CDH24: variants seen among roughly 807,000 people sequenced by gnomAD.
CDH24 encodes cadherin 24, also known as cadherin-24.
CDH24 carries 61 observed loss-of-function variants against 71.2 expected under a neutral mutation model. The observed-to-expected ratio is 0.86, with a 90% CI of 0.70 to 1.06. CDH24 has a LOEUF of 1.06. CDH24 is among the 50% of genes least tolerant of loss of function. CDH24 has a pLI of 0.00. For missense variants in CDH24, 961 were observed against 1,083.7 expected, an observed-to-expected ratio of 0.89 and a Z score of 1.59; for synonymous variants, 440 against 470.2, an observed-to-expected ratio of 0.94 and a Z score of 0.83.
chr14:23,053,596 G>A lies in CDH24; in HGVS notation c.1126C>T (p.Gln376Ter). ...GGCACTGTCAGGTGGTAGGCAGCCT[G>A]GGTGAAGGCAGGTGGCTCTGGGGCA... is the stretch of plus-strand genomic sequence containing the variant. ...QDAPEPPAFT[Q>*]AAYHLTVPEN... The change falls in exon 7 of 13, where the codon CAG (glutamine) becomes TAG (stop). Residue 376 changes from glutamine (Q) to a stop codon, truncating the protein, a stop_gained. Coordinates refer to ENST00000487137, the MANE Select transcript of CDH24 (RefSeq NM_144985.4). LOFTEE classifies it high-confidence loss of function. 6.2e-7 allele frequency: 1 copy of A among 1,613,466 alleles called. No homozygotes were observed. The highest frequency in any genetic ancestry group is 8.5e-7 in the Non-Finnish European group (1 of 1,179,596).
At chr14:23,050,194 C>A in intron 8 of CDH24, 1 of 437,170 alleles carries the variant, frequency 2.3e-6, no homozygotes, top group Non-Finnish European at 4.1e-6. Context: ...AATGCCGCAC[C>A]CATGATACAC....
chr14:23,056,115 G>T (rs1056842105), intron 1 of CDH24, among the ~76,000 whole-genome samples: 1 of 152,216 alleles, frequency 6.6e-6, no homozygotes, highest in Non-Finnish European at 1.5e-5. Context: ...GGGGATGCTG[G>T]GAGGGCTTGG....
chr14:23,047,700 G>A lies in CDH24; in HGVS notation c.*280C>T, dbSNP rs564289197. On this transcript the variant is annotated 3_prime_UTR_variant, in exon 12 of 13. Coordinates refer to ENST00000487137, the MANE Select transcript of CDH24 (RefSeq NM_144985.4). ...CCACGGAGGAAGGAGAGGAATCACAGTGAGAGATCGCAGGGCCAGGGCCAG... is the reference window on the plus strand; with the variant it reads ...CCACGGAGGAAGGAGAGGAATCACAATGAGAGATCGCAGGGCCAGGGCCAG... The A allele has an allele frequency of 3.3e-6, 1 of 304,224 alleles. No homozygotes were observed. Among genetic ancestry groups the A allele is most frequent in the Non-Finnish European group, 6.0e-6 (1 of 165,576 alleles). The allele number at this position is 304,224 out of a possible 1,614,324, so 18.8% of individuals were successfully genotyped here.
Position 23,054,005 on chromosome 14 carries a change from G to A in CDH24, c.972+136C>T, listed in dbSNP as rs2047104666. On this transcript the variant is annotated intron_variant, in intron 6 of 12. Coordinates refer to ENST00000487137, the MANE Select transcript of CDH24 (RefSeq NM_144985.4). The surrounding 1 kb of genome is among the most constrained non-coding windows in gnomAD (Gnocchi z 5.2). ...TCTAAGCTCCAGGGCCTCATCTGAAGGATGAGGAGGTGACCATGATCTCTA... is the reference window on the plus strand; with the variant it reads ...TCTAAGCTCCAGGGCCTCATCTGAAAGATGAGGAGGTGACCATGATCTCTA... 5 of 977,526 alleles carry A rather than the reference G, an allele frequency of 5.1e-6. No individual in the cohort carries two copies. The Admixed American group carries it at 1.0e-4, about 20-fold the overall frequency. The allele number at this position is 977,526 out of a possible 1,614,324, so 60.6% of individuals were successfully genotyped here. A position where few individuals can be genotyped will look rare whatever the true frequency, so the allele number is the denominator to read the frequency against.
rs1161681313 is a variant in CDH24, at chr14:23,049,690, T to C, written c.1534A>G (p.Ser512Gly). 6.2e-7 allele frequency: 1 copy of C among 1,612,006 alleles called. No individual in the cohort carries two copies. Among genetic ancestry groups the C allele is most frequent in the South Asian group, 1.1e-5 (1 of 90,818 alleles). ...AGAGGACCTTGAAAGGAGACATGGC[T>C]ACTGTTGCCAACTTCATCTCTGTCC... is the stretch of plus-strand genomic sequence containing the variant. ...ALDRDEVGNS[S>G]HVSFQGPLGP... Residue 512 changes from serine (S) to glycine (G), a missense_variant, in exon 10 of 13, where the codon AGC (serine) becomes GGC (glycine). By Grantham distance (56) the Ser-to-Gly change is moderately conservative. This residue lies in a region of CDH24 where 671 missense variants were observed against 810.9 expected (regional missense o/e 0.83). Transcript: ENST00000487137.
chr14:23,056,068 C>T (rs1371240720), intron 1 of CDH24, among the ~76,000 whole-genome samples: 2 of 152,172 alleles, frequency 1.3e-5, no homozygotes, highest in African/African-American at 2.4e-5. Context: ...TCTGGTCAGT[C>T]AACTCTGAGT....
Position 23,048,126 on chromosome 14 carries a change from C to G in CDH24, c.2200G>C (p.Gly734Arg). ...SVQVYGYEGRGSSCGSLSSLG... is the reference protein window; with the variant it reads ...SVQVYGYEGRRSSCGSLSSLG... ...GAGCTGAGGGAGCCGCAAGAGGAGC[C>G]GCGGCCCTCGTAGCCGTACACCTGC... is the stretch of plus-strand genomic sequence containing the variant. Residue 734 changes from glycine to arginine, a missense_variant, in exon 12 of 13, where the codon GGC (glycine) becomes CGC (arginine). By Grantham distance (125) the Gly-to-Arg change is moderately radical. Coordinates refer to ENST00000487137, the MANE Select transcript of CDH24 (RefSeq NM_144985.4). The G allele has an allele frequency of 7.1e-7, 1 of 1,399,632 alleles. No individual in the cohort carries two copies. The highest frequency in any genetic ancestry group is 9.3e-7 in the Non-Finnish European group (1 of 1,080,878). 86.7% of individuals were successfully genotyped at this position (1,399,632 alleles called of 1,614,324 possible).
rs767931473 is a variant in CDH24, at chr14:23,049,982, A to G, written c.1364-39T>C. 3.8e-6 allele frequency: 6 copies of G among 1,599,772 alleles called. No homozygotes were observed. The African/African-American group carries it at 6.7e-5, about 18-fold the overall frequency. On this transcript the variant is annotated intron_variant, in intron 8 of 12. Coordinates refer to ENST00000487137, the MANE Select transcript of CDH24 (RefSeq NM_144985.4). ...ACCAAAACATACACGCCACACACAC[A>G]CCACACAGTTTACACGTAACATATG...
Position 23,054,562 on chromosome 14 carries a change from GTGCTGCC to G in CDH24, c.721_727del (p.Gly241LeufsTer3). On this transcript the variant is annotated frameshift_variant, in exon 5 of 13. Transcript: ENST00000487137. LOFTEE classifies it high-confidence loss of function. The surrounding 1 kb of genome is among the most constrained non-coding windows in gnomAD (Gnocchi z 5.2). ...ATCGCTGAGCGTGACAGTCACCGTA[GTGCTGCC>G]TGACAGCCCCCCCATGTGGCCGCCC... is the stretch of plus-strand genomic sequence containing the variant. The G allele has an allele frequency of 6.2e-7, 1 of 1,613,962 alleles. No homozygotes were observed. The highest frequency in any genetic ancestry group is 1.3e-5 in the African/African-American group (1 of 74,892).
In CDH24 at chr14:23,049,642, C is replaced by T. The variant is rs778667953; in HGVS notation, c.1582G>A (p.Val528Ile). The T allele has an allele frequency of 3.2e-6, 5 of 1,575,048 alleles. No individual in the cohort carries two copies. The Admixed American group carries it at 8.8e-5, about 28-fold the overall frequency. The part of the protein sequence containing the change: ...GPLGPDANFT[V>I]QDNRDGSASL... ...GGCCACCTACCTCGGTTGTCCTGGA[C>T]AGTAAAGTTGGCATCAGGGCCCAGA... Residue 528 changes from valine to isoleucine, a missense_variant, in exon 10 of 13, where the codon GTC (valine) becomes ATC (isoleucine). Physicochemically the swap from Val to Ile is conservative, Grantham distance 29. This residue lies in a region of CDH24 where 671 missense variants were observed against 810.9 expected (regional missense o/e 0.83). Coordinates refer to ENST00000487137, the MANE Select transcript of CDH24 (RefSeq NM_144985.4).
chr14:23,054,149 C>T lies in CDH24; in HGVS notation c.964G>A (p.Val322Ile). 6.3e-7 allele frequency: 1 copy of T among 1,595,544 alleles called. No homozygotes were observed. The highest frequency in any genetic ancestry group is 8.6e-7 in the Non-Finnish European group (1 of 1,169,334). ...ACAGGCAGGAGGCTAACCTTGCGGA[C>T]AGTGAGGAGCCCGTCTCGACCCTGC... ...DLQGRDGLLT[V>I]RKPLDFESQR... Residue 322 changes from valine (V) to isoleucine (I), a missense_variant, in exon 6 of 13, where the codon GTC becomes ATC. Coordinates refer to ENST00000487137, the MANE Select transcript of CDH24 (RefSeq NM_144985.4). The surrounding 1 kb of genome is among the most constrained non-coding windows in gnomAD (Gnocchi z 5.2).
Position 23,049,250 on chromosome 14 carries a change from G to A in CDH24, c.1623C>T (p.Pro541=), listed in dbSNP as rs1368835242. The A allele has an allele frequency of 6.3e-7, 1 of 1,578,056 alleles. No homozygotes were observed. The highest frequency in any genetic ancestry group is 8.6e-7 in the Non-Finnish European group (1 of 1,161,442). Residue 541 remains proline, a synonymous_variant, in exon 11 of 13, where the codon CCC becomes CCT. Coordinates refer to ENST00000487137, the MANE Select transcript of CDH24 (RefSeq NM_144985.4). The stretch of plus-strand genomic sequence containing the variant: ...CATGGCGGGGTGGAGCAGGGCGGGA[G>A]GGCAGCAGCAGGCTGGCGGAGCCAT... ...NRDGSASLLL[P]SRPAPPRHAP...
In CDH24 at chr14:23,052,480, T is replaced by C; in HGVS notation, c.1356A>G (p.Thr452=). 1 of 1,613,784 alleles carries C rather than the reference T, an allele frequency of 6.2e-7. No homozygotes were observed. The highest frequency in any genetic ancestry group is 1.1e-5 in the South Asian group (1 of 91,086). Residue 452 remains threonine (T), a synonymous_variant, in exon 8 of 13, where the codon ACA becomes ACG. Coordinates refer to ENST00000487137, the MANE Select transcript of CDH24 (RefSeq NM_144985.4). ...RAWHNLTVLA[T]ELDSSAQASR... is the part of the protein sequence containing the mutation. ...GGGCCCTGGAGTCCTCACCGAGCTC[T>C]GTAGCCAGCACAGTGAGGTTGTGCC...
chr14:23,048,079 G>A lies in CDH24; in HGVS notation c.2247C>T (p.Ala749=). 1 of 1,421,156 alleles carries A rather than the reference G, an allele frequency of 7.0e-7. No individual in the cohort carries two copies. Among genetic ancestry groups the A allele is most frequent in the Non-Finnish European group, 9.1e-7 (1 of 1,093,160 alleles). 88.0% of individuals were successfully genotyped at this position (1,421,156 alleles called of 1,614,324 possible). A position where few individuals can be genotyped will look rare whatever the true frequency, so the allele number is the denominator to read the frequency against. Residue 749 remains alanine, a synonymous_variant, in exon 12 of 13, where the codon GCC becomes GCT. Coordinates refer to ENST00000487137, the MANE Select transcript of CDH24 (RefSeq NM_144985.4). ...SLSSLGSGSE[A]GGAPGPAEPL... ...GCTCCGCGGGGCCGGGGGCGCCGCC[G>A]GCTTCGCTGCCGGAGCCCAGGGAGC...
chr14:23,048,389 GTGA>G lies in CDH24; in HGVS notation c.1934_1936del (p.Ile645del), dbSNP rs1487230196. On this transcript the variant is annotated inframe_deletion, in exon 12 of 13. Coordinates refer to ENST00000487137, the MANE Select transcript of CDH24 (RefSeq NM_144985.4). ...CTCGCCGCCGCCCTCGTCGTCGTAG[GTGA>G]TGATGTTCTCTCGGACGTCCTCCTC... 1.2e-6 allele frequency: 2 copies of G among 1,612,544 alleles called. No homozygotes were observed. The highest frequency in any genetic ancestry group is 1.7e-6 in the Non-Finnish European group (2 of 1,179,626).
chr14:23,049,393 C>T (rs2047067446), intron 10 of CDH24, 118 bp from the exon 11 acceptor site: 1 of 989,634 alleles, frequency 1.0e-6, no homozygotes. Flanking sequence ...CCCATAGGTC[C>T]AGCCCATAGA....
chr14:23,049,599 A>G, intron 10 of CDH24, 28 bp downstream of exon 10: 2 of 1,300,230 alleles, frequency 1.5e-6, no homozygotes, highest in Non-Finnish European at 2.2e-6. Flanking sequence ...AGAGGCAGGT[A>G]TGGACATGGC....
Position 23,048,368 on chromosome 14 carries a change from C to T in CDH24, c.1958G>A (p.Gly653Asp). The T allele has an allele frequency of 6.2e-7, 1 of 1,612,294 alleles. No individual in the cohort carries two copies. Among genetic ancestry groups the T allele is most frequent in the Non-Finnish European group, 8.5e-7 (1 of 1,179,570 alleles). ...NIITYDDEGG[G>D]EEDTEAFDIT... The stretch of plus-strand genomic sequence containing the variant: ...GTCGAAGGCCTCGGTGTCCTCCTCG[C>T]CGCCGCCCTCGTCGTCGTAGGTGAT... Residue 653 changes from glycine to aspartate, a missense_variant, in exon 12 of 13, where the codon GGC becomes GAC. Physicochemically the swap from Gly to Asp is moderately conservative, Grantham distance 94. Around this residue, in one of 2 missense-constraint regions of CDH24, gnomAD observed 290 missense variants for 272.8 expected, o/e 1.06. Transcript: ENST00000487137.
intron 7 of CDH24, among the ~76,000 whole-genome samples, 184 bp from the exon 8 acceptor site, chr14:23,052,793 C>T (rs56251692): frequency 0.021 from 3,242 of 152,136 alleles, 109 homozygotes; most frequent in African/African-American, 0.074. Context: ...CCATTAAACA[C>T]CTGTTAAGAC....
Sources: allele counts gnomAD v4.1 joint callset (sites outside exome capture counted in the v4.1 genomes callset), GRCh38; gene constraint gnomAD v4.1.1; regional missense constraint gnomAD v4.1.1; non-coding constraint Gnocchi (gnomAD v3.1); transcripts MANE v1.5; gene names NCBI Gene and HGNC (gene_info 2026-07-23, HGNC 2026-07-21).